Variants in TADA2A observed in about 807,000 individuals in gnomAD.
TADA2A encodes transcriptional adapter 2-alpha.
In TADA2A, 38 loss-of-function variants were observed where a neutral mutation model predicts 67.4. The ratio of observed to expected loss-of-function variants is 0.56; its 90% CI spans 0.44 to 0.74. TADA2A has a LOEUF of 0.74. TADA2A is among the 30% of genes least tolerant of loss of function. The pLI, the probability that TADA2A is intolerant of heterozygous loss-of-function variation, is 0.00. For missense variants in TADA2A, 454 were observed against 547.0 expected, an observed-to-expected ratio of 0.83 and a Z score of 1.70; for synonymous variants, 192 against 181.6, an observed-to-expected ratio of 1.06 and a Z score of -0.46.
intron 5 of TADA2A, 92 bp from the exon 6 acceptor site, chr17:37,440,413 A>C (rs1279065592): frequency 7.1e-7 from 1 of 1,405,986 alleles, no homozygotes; most frequent in Non-Finnish European, 9.7e-7. Context: ...TATTATATGG[A>C]TGTGACTTAA....
chr17:37,476,393 C>G (rs1245515020), intron 15 of TADA2A, among the ~76,000 whole-genome samples: 2 of 152,180 alleles, frequency 1.3e-5, no homozygotes, highest in Non-Finnish European at 2.9e-5. Context: ...CCTTGAGAAT[C>G]CAAGTGTCTG....
chr17:37,442,556 T>G lies in TADA2A; in HGVS notation c.443-8T>G, dbSNP rs755144552. 6.2e-7 allele frequency: 1 copy of G among 1,612,942 alleles called. No individual in the cohort carries two copies. The highest frequency in any genetic ancestry group is 1.1e-5 in the South Asian group (1 of 90,958). ...TAGTTAACTCAGAAACCTTCTAAAT[T>G]CTTCCAGCTACAGATGACCCTCCCC... On this transcript the variant is annotated splice_region_variant and splice_polypyrimidine_tract_variant and intron_variant, in intron 6 of 15. Coordinates refer to ENST00000615182, the MANE Select transcript of TADA2A (RefSeq NM_001166105.3).
intron 14 of TADA2A, among the ~76,000 whole-genome samples, chr17:37,473,764 A>G (rs975598139): frequency 6.6e-6 from 1 of 152,188 alleles, no homozygotes; most frequent in African/African-American, 2.4e-5. Context: ...CTGCTTTGCC[A>G]TATAATGGCT....
chr17:37,470,172 T>TA (rs982400758), intron 12 of TADA2A, among the ~76,000 whole-genome samples: 5 of 152,194 alleles, frequency 3.3e-5, no homozygotes, highest in African/African-American at 1.2e-4. Flanking sequence ...CCTTATTTCT[T>TA]ACAGATAGAA....
At chr17:37,444,905 A>T in intron 8 of TADA2A, 137 bp downstream of exon 8, 1 of 790,274 alleles carries the variant, frequency 1.3e-6, no homozygotes, top group Non-Finnish European at 2.1e-6. Flanking sequence ...TAAGTTGCTG[A>T]ACTTACTGTG....
chr17:37,428,876 C>T (rs2052486499), intron 4 of TADA2A, among the ~76,000 whole-genome samples: 2 of 151,966 alleles, frequency 1.3e-5, no homozygotes, highest in South Asian at 4.2e-4. Flanking sequence ...GAAACCCCAT[C>T]TCTACTAAAA....
At chr17:37,464,858 G>T (rs1432010800) in intron 10 of TADA2A, among the ~76,000 whole-genome samples, 1 of 144,884 alleles carries the variant, frequency 6.9e-6, no homozygotes, top group Non-Finnish European at 1.5e-5. Flanking sequence ...AAAAAAGACA[G>T]TGAGGTGGCT....
chr17:37,455,011 G>A lies in TADA2A; in HGVS notation c.605-3513G>A, dbSNP rs75949544. 3.5e-3 allele frequency: 545 copies of A among 155,890 alleles called. 1 individual carries two copies. The highest frequency in any genetic ancestry group is 0.013 in the Middle Eastern group (4 of 300). 9.7% of individuals were successfully genotyped at this position (155,890 alleles called of 1,614,324 possible). On this transcript the variant is annotated intron_variant, in intron 8 of 15. Coordinates refer to ENST00000615182, the MANE Select transcript of TADA2A (RefSeq NM_001166105.3). ...TTATATTACCTAACATTTGAATAAC[G>A]TATTTTAGTTTTTCAGAGGACACGT... is the stretch of plus-strand genomic sequence containing the variant.
rs556562422 is a variant in TADA2A at position 37,420,587 on chromosome 17, T to G, written c.26-2922T>G. ...TTTGTATTTTTAGTGGAGATGGGGTTTCGCCATGCTGGTCAGGTTAGTCTT... is the reference window on the plus strand; with the variant it reads ...TTTGTATTTTTAGTGGAGATGGGGTGTCGCCATGCTGGTCAGGTTAGTCTT... On this transcript the variant is annotated intron_variant, in intron 2 of 15. Coordinates refer to ENST00000615182, the MANE Select transcript of TADA2A (RefSeq NM_001166105.3). Among the ~76,000 whole-genome samples, 11 of 145,562 alleles carry G rather than the reference T, an allele frequency of 7.6e-5. 1 individual carries two copies. In the South Asian group the frequency reaches 2.5e-3, roughly 33 times the overall value.
chr17:37,462,196 T>C, intron 10 of TADA2A, 75 bp downstream of exon 10: 1 of 1,032,842 alleles, frequency 9.7e-7, no homozygotes, highest in Non-Finnish European at 1.4e-6. Flanking sequence ...AATCACGTAT[T>C]GTAGTTCTTA....
At chr17:37,432,199 C>T (rs1178253751) in intron 4 of TADA2A, among the ~76,000 whole-genome samples, 1 of 151,372 alleles carries the variant, frequency 6.6e-6, no homozygotes, top group Admixed American at 6.6e-5. Context: ...CAGTCTTGCT[C>T]TATTGCCCAG....
chr17:37,425,347 A>G (rs1001131078), intron 3 of TADA2A, among the ~76,000 whole-genome samples: 1 of 152,186 alleles, frequency 6.6e-6, no homozygotes, highest in African/African-American at 2.4e-5. Flanking sequence ...TAATAATACT[A>G]ATTATAAGTA....
chr17:37,445,214 T>G (rs2053040306), intron 8 of TADA2A, among the ~76,000 whole-genome samples: 1 of 152,144 alleles, frequency 6.6e-6, no homozygotes. Context: ...TAGGCCCAAA[T>G]GGGGAATTTC....
intron 5 of TADA2A, among the ~76,000 whole-genome samples, chr17:37,439,931 TTTATTTATTTA>T (rs1568155054): frequency 3.3e-5 from 4 of 119,590 alleles, no homozygotes; most frequent in African/African-American, 1.1e-4. Context: ...TATTTATTTA[TTTATTTATTTA>T]TTATTTTTTT....
chr17:37,437,051 AC>A (rs1327589728), intron 4 of TADA2A, among the ~76,000 whole-genome samples: 2 of 151,722 alleles, frequency 1.3e-5, no homozygotes, highest in East Asian at 3.9e-4. Flanking sequence ...GTAAACTATT[AC>A]TACAGTTGAA....
At chr17:37,468,330 T>C (rs9895640) in intron 12 of TADA2A, among the ~76,000 whole-genome samples, 8,927 of 152,136 alleles carry the variant, frequency 0.059, 312 homozygotes, top group Middle Eastern at 0.099. Context: ...GACAAACTTA[T>C]AAAGTACCGT....
intron 8 of TADA2A, among the ~76,000 whole-genome samples, chr17:37,455,742 A>G (rs543878440): frequency 3.3e-5 from 5 of 152,312 alleles, no homozygotes; most frequent in African/African-American, 9.6e-5. Context: ...AGAATATAGC[A>G]TAAACACAGA....
At chr17:37,430,108 A>G (rs919749043) in intron 4 of TADA2A, among the ~76,000 whole-genome samples, 3 of 152,210 alleles carry the variant, frequency 2.0e-5, no homozygotes, top group Admixed American at 6.5e-5. Flanking sequence ...CACTGTAGGA[A>G]AGCTGACCAT....
chr17:37,462,604 CCTGGGCGA>C, intron 10 of TADA2A, among the ~76,000 whole-genome samples: 1 of 149,948 alleles, frequency 6.7e-6, no homozygotes, highest in African/African-American at 2.5e-5. Flanking sequence ...TGCACTCCAG[CCTGGGCGA>C]TAGAGCAAGA....
Sources: gnomAD v4.1 joint callset for allele counts (sites outside exome capture counted in the v4.1 genomes callset) on GRCh38, gnomAD v4.1.1 for gene constraint, MANE v1.5 for transcripts, NCBI Gene and HGNC (gene_info 2026-07-23, HGNC 2026-07-21) for gene names.